The following ANO3 variants were observed in gnomAD, a reference collection of about 807,000 sequenced individuals.
ANO3 encodes the protein anoctamin-3.
ANO3 carries 99 observed loss-of-function variants against 144.8 expected under a neutral mutation model. The observed-to-expected ratio is 0.68, with a 90% CI of 0.58 to 0.81. The LOEUF (loss-of-function observed/expected upper bound fraction) is 0.81. Ranked by LOEUF, ANO3 falls within the 30% of genes least tolerant of loss-of-function variation. The probability of loss-of-function intolerance (pLI) is 0.00; values close to 1 mark genes in which losing one functional copy is unlikely to be tolerated. For synonymous variants in ANO3, 414 were observed against 392.6 expected (o/e 1.05, Z -0.64); for missense variants, 905 against 1,202.2 (o/e 0.75, Z 3.66).
chr11:26,573,464 G>T (rs1329474836), intron 14 of ANO3, among the ~76,000 whole-genome samples: 1 of 152,066 alleles, frequency 6.6e-6, no homozygotes, highest in Non-Finnish European at 1.5e-5. Context: ...CCACTTTTTA[G>T]GTAAAAATCC....
intron 1 of ANO3, among the ~76,000 whole-genome samples, chr11:26,375,303 G>C (rs1335670200): frequency 6.6e-6 from 1 of 152,092 alleles, no homozygotes; most frequent in Non-Finnish European, 1.5e-5. Flanking sequence ...TTGCTCACTT[G>C]CCTGCCACTC....
chr11:26,557,032 C>T (rs1261850277), intron 13 of ANO3, among the ~76,000 whole-genome samples: 1 of 152,080 alleles, frequency 6.6e-6, no homozygotes, highest in Non-Finnish European at 1.5e-5. Context: ...TAACAGTACC[C>T]ACATTTTTTG....
intron 1 of ANO3, among the ~76,000 whole-genome samples, chr11:26,353,629 C>A (rs1189520961): frequency 6.6e-6 from 1 of 152,152 alleles, no homozygotes; most frequent in African/African-American, 2.4e-5. Context: ...AGTGCAGTGG[C>A]GCGATCTTGG....
chr11:26,633,950 C>T (rs1284152614), intron 18 of ANO3, among the ~76,000 whole-genome samples: 4 of 151,734 alleles, frequency 2.6e-5, no homozygotes, highest in African/African-American at 4.8e-5. Context: ...TGGTGGCGGG[C>T]GCTTATAATC....
intron 3 of ANO3, among the ~76,000 whole-genome samples, chr11:26,458,184 A>C (rs1859240137): frequency 6.6e-6 from 1 of 152,128 alleles, no homozygotes. Flanking sequence ...GGATTTCATA[A>C]AAATAAGGAT....
intron 4 of ANO3, among the ~76,000 whole-genome samples, chr11:26,464,489 A>G (rs1405585136): frequency 6.6e-6 from 1 of 151,878 alleles, no homozygotes; most frequent in Non-Finnish European, 1.5e-5. Flanking sequence ...AAAATGAACT[A>G]CGATTAAATA....
intron 4 of ANO3, among the ~76,000 whole-genome samples, chr11:26,468,807 C>T (rs904917560): frequency 4.6e-5 from 7 of 151,944 alleles, no homozygotes; most frequent in Admixed American, 4.6e-4. Context: ...CAAGATTATA[C>T]ATGAAATACT....
chr11:26,474,248 C>T (rs1859880288), intron 4 of ANO3: 2 of 269,842 alleles, frequency 7.4e-6, no homozygotes, highest in Admixed American at 6.5e-5. Context: ...TTGAGTGTAT[C>T]TGTTATTTCA....
intron 1 of ANO3, among the ~76,000 whole-genome samples, chr11:26,233,164 C>T (rs1199421233): frequency 1.3e-5 from 2 of 150,676 alleles, no homozygotes; most frequent in Admixed American, 1.3e-4. Context: ...TTGCAGTGAG[C>T]CGAGATTGCG....
chr11:26,567,256 T>G, intron 14 of ANO3: 1 of 623,646 alleles, frequency 1.6e-6, no homozygotes. Context: ...GACTTTTTTT[T>G]CCTCAAGCAA....
At chr11:26,230,917 G>A (rs1024067644) in intron 1 of ANO3, among the ~76,000 whole-genome samples, 57 of 143,270 alleles carry the variant, frequency 4.0e-4, no homozygotes, top group African/African-American at 1.2e-3. Context: ...TTTTTAGATG[G>A]AGTCTCCCTC....
chr11:26,484,873 G>A (rs117780366), intron 4 of ANO3, among the ~76,000 whole-genome samples: 1 of 152,182 alleles, frequency 6.6e-6, no homozygotes, highest in African/African-American at 2.4e-5. Flanking sequence ...TGAAGTCAAA[G>A]GAGATTATTT....
intron 11 of ANO3, among the ~76,000 whole-genome samples, chr11:26,544,247 TATAC>T (rs201651161): frequency 0.081 from 2,710 of 33,378 alleles, 95 homozygotes; most frequent in Admixed American, 0.29. Context: ...AGTATTTCAT[TATAC>T]ATATATATAT....
At chr11:26,579,822 G>A (rs1851082915) in intron 14 of ANO3, among the ~76,000 whole-genome samples, 2 of 152,190 alleles carry the variant, frequency 1.3e-5, no homozygotes, top group South Asian at 4.1e-4. Flanking sequence ...CAAACCTGGG[G>A]CAGAGTCGAG....
intron 1 of ANO3, among the ~76,000 whole-genome samples, chr11:26,200,364 T>C (rs910121693): frequency 2.0e-5 from 3 of 152,198 alleles, no homozygotes; most frequent in African/African-American, 7.2e-5. Flanking sequence ...CTCTCAAATA[T>C]TGTCTCATCT....
intron 1 of ANO3, among the ~76,000 whole-genome samples, chr11:26,389,853 A>T (rs1262247881): frequency 6.6e-6 from 1 of 152,142 alleles, no homozygotes; most frequent in South Asian, 2.1e-4. Flanking sequence ...AATTTAAAAG[A>T]AGTTTACAAT....
At chr11:26,285,107 T>G (rs540476403) in intron 1 of ANO3, among the ~76,000 whole-genome samples, 1 of 152,284 alleles carries the variant, frequency 6.6e-6, no homozygotes, top group Admixed American at 6.5e-5. Context: ...ATTTTTTTTT[T>G]TAATTATGGT....
chr11:26,656,698 G>C (rs1035633749), intron 26 of ANO3, among the ~76,000 whole-genome samples: 1 of 152,020 alleles, frequency 6.6e-6, no homozygotes, highest in Non-Finnish European at 1.5e-5. Context: ...GGAAATCAGC[G>C]TTAATAAAAA....
At chr11:26,443,900 T>TAA in intron 3 of ANO3, 64 bp downstream of exon 3, 1 of 1,100,234 alleles carries the variant, frequency 9.1e-7, no homozygotes, top group Non-Finnish European at 1.3e-6. Flanking sequence ...TGTGTTCTTC[T>TAA]AAAAAAAACT....
Sources: gnomAD v4.1 joint callset for allele counts (sites outside exome capture counted in the v4.1 genomes callset) on GRCh38, gnomAD v4.1.1 for gene constraint, MANE v1.5 for transcripts, NCBI Gene and HGNC (gene_info 2026-07-23, HGNC 2026-07-21) for gene names.